EXT2: variants seen among roughly 807,000 people sequenced by gnomAD.
EXT2 encodes the protein exostosin glycosyltransferase 2, also known as exostosin-2.
In EXT2, 53 loss-of-function variants were observed where a neutral mutation model predicts 81.6. That is an observed-to-expected ratio of 0.65 (90% confidence interval 0.52 to 0.82). The LOEUF (loss-of-function observed/expected upper bound fraction) is 0.82. Ranked by LOEUF, EXT2 falls within the 40% of genes least tolerant of loss-of-function variation. EXT2 has a pLI of 0.00. For missense variants in EXT2, 774 were observed against 910.2 expected (o/e 0.85, Z 1.93); for synonymous variants, 320 against 340.0 (o/e 0.94, Z 0.65).
chr11:44,155,824 A>G (rs1242547187), intron 7 of EXT2, among the ~76,000 whole-genome samples: 2 of 152,142 alleles, frequency 1.3e-5, no homozygotes, highest in Non-Finnish European at 2.9e-5. Context: ...ACTTGCTATT[A>G]CCGGTGGGTT....
Position 44,244,293 on chromosome 11 carries a change from G to A in EXT2, c.*6G>A, listed in dbSNP as rs758883253. ...CCAACATTGGCAGCTTATGAAACGT[G>A]TCATTGGTGGAGGTCTGAATGTGAG... On this transcript the variant is annotated 3_prime_UTR_variant, in exon 14 of 14. Coordinates refer to ENST00000533608, the MANE Select transcript of EXT2 (RefSeq NM_207122.2). 6 of 1,613,944 alleles carry A rather than the reference G, an allele frequency of 3.7e-6. No individual in the cohort carries two copies. The highest frequency in any genetic ancestry group is 2.7e-5 in the African/African-American group (2 of 74,916).
intron 13 of EXT2, among the ~76,000 whole-genome samples, chr11:44,237,682 G>A (rs934915707): frequency 6.6e-6 from 1 of 152,062 alleles, no homozygotes; most frequent in Non-Finnish European, 1.5e-5. Flanking sequence ...AGGAAGAAAA[G>A]TTGACCTGAT....
intron 13 of EXT2, among the ~76,000 whole-genome samples, chr11:44,242,694 G>A (rs1956050656): frequency 1.3e-5 from 2 of 152,186 alleles, no homozygotes; most frequent in Non-Finnish European, 2.9e-5. Context: ...AGATATGTAT[G>A]TAAATTATCT....
At chr11:44,222,065 T>A (rs1955787752) in intron 10 of EXT2, among the ~76,000 whole-genome samples, 1 of 152,220 alleles carries the variant, frequency 6.6e-6, no homozygotes, top group Non-Finnish European at 1.5e-5. Flanking sequence ...GAAAATTGGT[T>A]CCTAGGGTTC....
chr11:44,132,339 C>T (rs974286698), intron 7 of EXT2, among the ~76,000 whole-genome samples: 1 of 152,124 alleles, frequency 6.6e-6, no homozygotes, highest in Admixed American at 6.5e-5. Flanking sequence ...AGTGTTGGCT[C>T]AGAATCATAG....
chr11:44,150,079 CT>C (rs1013365729), intron 7 of EXT2, among the ~76,000 whole-genome samples: 2 of 151,936 alleles, frequency 1.3e-5, no homozygotes, highest in African/African-American at 4.8e-5. Flanking sequence ...CTTTTTTTTC[CT>C]CAGCACCAGG....
chr11:44,115,653 A>C (rs1328336171), intron 4 of EXT2, among the ~76,000 whole-genome samples: 1 of 152,222 alleles, frequency 6.6e-6, no homozygotes, highest in African/African-American at 2.4e-5. Flanking sequence ...GTCTCATGGA[A>C]ATAGTTTGCC....
At chr11:44,222,397 T>C (rs1407931014) in intron 10 of EXT2, among the ~76,000 whole-genome samples, 1 of 152,208 alleles carries the variant, frequency 6.6e-6, no homozygotes, top group African/African-American at 2.4e-5. Flanking sequence ...GCTTGACACA[T>C]AGTAGCTGCT....
At chr11:44,137,212 C>T (rs907639568) in intron 7 of EXT2, among the ~76,000 whole-genome samples, 1 of 152,026 alleles carries the variant, frequency 6.6e-6, no homozygotes, top group Non-Finnish European at 1.5e-5. Flanking sequence ...TGATGGGAAG[C>T]CAAGAAAAGC....
At chr11:44,105,334 C>T (rs11037862) in intron 1 of EXT2, among the ~76,000 whole-genome samples, 31,269 of 152,028 alleles carry the variant, frequency 0.21, 3,633 homozygotes, top group East Asian at 0.34. Flanking sequence ...GCTCTATTGC[C>T]CAGGCTGGAG....
At position 44,126,740 on chromosome 11, in the gene EXT2, T is replaced by C. The variant is rs1484553611; in HGVS notation, c.940-76T>C. 6 of 1,599,040 alleles carry C rather than the reference T, an allele frequency of 3.8e-6. No homozygotes were observed. In the South Asian group the frequency reaches 5.5e-5, roughly 15 times the overall value. On this transcript the variant is annotated intron_variant, in intron 5 of 13. Transcript: ENST00000533608. ...CTTGGCGTCAACCCTTGTAGAAACTTTGTGGTCTGTAGGGATCAAAGTTAG... is the reference window on the plus strand; with the variant it reads ...CTTGGCGTCAACCCTTGTAGAAACTCTGTGGTCTGTAGGGATCAAAGTTAG...
At chr11:44,156,923 G>A (rs1321694077) in intron 7 of EXT2, among the ~76,000 whole-genome samples, 2 of 152,200 alleles carry the variant, frequency 1.3e-5, no homozygotes, top group African/African-American at 2.4e-5. Context: ...CTTGGTCACT[G>A]CAGCCGTTCT....
chr11:44,238,149 G>C (rs1260196686), intron 13 of EXT2, among the ~76,000 whole-genome samples: 3 of 152,140 alleles, frequency 2.0e-5, no homozygotes, highest in African/African-American at 7.2e-5. Flanking sequence ...AAACACTGGA[G>C]TGAGTAACTA....
intron 7 of EXT2, among the ~76,000 whole-genome samples, chr11:44,140,245 G>C (rs1954627672): frequency 6.6e-6 from 1 of 152,154 alleles, no homozygotes; most frequent in South Asian, 2.1e-4. Flanking sequence ...GCGTGTCTTT[G>C]CCAGCTCCAG....
intron 4 of EXT2, among the ~76,000 whole-genome samples, chr11:44,121,288 A>C (rs977206850): frequency 6.6e-6 from 1 of 152,180 alleles, no homozygotes; most frequent in African/African-American, 2.4e-5. Flanking sequence ...CATCAGTGAA[A>C]TCTAACCCAG....
intron 2 of EXT2, 23 bp from the exon 3 acceptor site, chr11:44,109,171 C>T: frequency 6.2e-7 from 1 of 1,612,112 alleles, no homozygotes; most frequent in Non-Finnish European, 8.5e-7. Flanking sequence ...ATTAATTCTC[C>T]TACATTTTAA....
At position 44,206,879 on chromosome 11, in the gene EXT2, G is replaced by T. The variant is rs761890554; in HGVS notation, c.1582G>T (p.Glu528Ter). Residue 528 changes from glutamate (E) to a stop codon, truncating the protein, a stop_gained, in exon 10 of 14, where the codon GAA becomes TAA. Coordinates refer to ENST00000533608, the MANE Select transcript of EXT2 (RefSeq NM_207122.2). LOFTEE classifies it high-confidence loss of function. ...AAGTAACCGTTTCTTCCCTTATGAT[G>T]AAATCGAGACAGAAGCTGTTCTGGC... ...KLSNRFFPYD[E>*]IETEAVLAID... 1 of 1,614,022 alleles carries T rather than the reference G, an allele frequency of 6.2e-7. No homozygotes were observed. The highest frequency in any genetic ancestry group is 1.3e-5 in the African/African-American group (1 of 74,932).
chr11:44,135,112 A>G (rs1954546319), intron 7 of EXT2, among the ~76,000 whole-genome samples: 1 of 152,216 alleles, frequency 6.6e-6, no homozygotes, highest in Non-Finnish European at 1.5e-5. Flanking sequence ...CCTCTAGACT[A>G]TAGTTGGGCC....
chr11:44,154,940 C>T (rs1410166521), intron 7 of EXT2, among the ~76,000 whole-genome samples: 1 of 151,872 alleles, frequency 6.6e-6, no homozygotes, highest in Non-Finnish European at 1.5e-5. Context: ...CTTAATTTTG[C>T]CCATTTTTAA....
Sources: allele counts gnomAD v4.1 joint callset (sites outside exome capture counted in the v4.1 genomes callset), GRCh38; gene constraint gnomAD v4.1.1; transcripts MANE v1.5; gene names NCBI Gene and HGNC (gene_info 2026-07-23, HGNC 2026-07-21).